AHCYL2: variants seen among roughly 807,000 people sequenced by gnomAD.
The protein encoded by AHCYL2 is adenosylhomocysteinase like 2, also known as S-adenosylhomocysteine hydrolase-like protein 2.
Under a neutral mutation model 81.4 loss-of-function variants are expected in AHCYL2, and 28 were observed. That is an observed-to-expected ratio of 0.34 (90% CI 0.25 to 0.47). The LOEUF is 0.47. Ranked by LOEUF, AHCYL2 falls within the 20% of genes least tolerant of loss-of-function variation. AHCYL2 has a pLI of 1.00. For synonymous variants in AHCYL2, 272 were observed against 290.2 expected, an observed-to-expected ratio of 0.94 and a Z score of 0.64; for missense variants, 551 against 785.1, an observed-to-expected ratio of 0.70 and a Z score of 3.56.
At chr7:129,389,914 C>T (rs1795386033) in intron 4 of AHCYL2, among the ~76,000 whole-genome samples, 180 bp downstream of exon 4, 1 of 152,180 alleles carries the variant, frequency 6.6e-6, no homozygotes, top group East Asian at 1.9e-4. Context: ...GAAGCTGAGG[C>T]TCAGAGGGCT....
intron 1 of AHCYL2, among the ~76,000 whole-genome samples, chr7:129,321,271 C>T (rs886312457): frequency 2.6e-5 from 4 of 152,180 alleles, no homozygotes; most frequent in Non-Finnish European, 5.9e-5. Flanking sequence ...TTCAGTTTTT[C>T]ATCCTTACGT....
chr7:129,240,080 G>A lies in AHCYL2; in HGVS notation c.363+14641G>A, dbSNP rs374933001. Among the ~76,000 whole-genome samples the A allele has an allele frequency of 9.2e-5, 14 of 151,924 alleles. No individual in the cohort carries two copies. In the East Asian group the frequency reaches 1.2e-3, roughly 13 times the overall value. ...CTCTACTAAAAATACAAAATTGGTCGGGCACATGCCTGTAATCCCAGCTAC... is the reference window on the plus strand; with the variant it reads ...CTCTACTAAAAATACAAAATTGGTCAGGCACATGCCTGTAATCCCAGCTAC... On this transcript the variant is annotated intron_variant, in intron 1 of 16. Coordinates refer to ENST00000325006, the MANE Select transcript of AHCYL2 (RefSeq NM_015328.4).
At chr7:129,252,213 T>G (rs1472942901) in intron 1 of AHCYL2, among the ~76,000 whole-genome samples, 1 of 152,236 alleles carries the variant, frequency 6.6e-6, no homozygotes. Context: ...AGTTCTTGTA[T>G]GTAACACTCT....
At chr7:129,300,270 C>T (rs1033053781) in intron 1 of AHCYL2, among the ~76,000 whole-genome samples, 1 of 152,062 alleles carries the variant, frequency 6.6e-6, no homozygotes, top group African/African-American at 2.4e-5. Flanking sequence ...CATGAGCCAT[C>T]CCCGCCTCCC....
intron 1 of AHCYL2, among the ~76,000 whole-genome samples, chr7:129,348,773 C>T (rs1793450231): frequency 6.6e-6 from 1 of 152,136 alleles, no homozygotes; most frequent in African/African-American, 2.4e-5. Context: ...ATTTTCTTCA[C>T]CTAGGCCAAG....
intron 1 of AHCYL2, among the ~76,000 whole-genome samples, chr7:129,351,302 A>T (rs776192926): frequency 1.2e-4 from 19 of 152,338 alleles, no homozygotes; most frequent in Non-Finnish European, 2.6e-4. Context: ...ACCAGCAGGA[A>T]CATAGTAGAA....
At chr7:129,286,150 A>G (rs1181630781) in intron 1 of AHCYL2, among the ~76,000 whole-genome samples, 1 of 152,210 alleles carries the variant, frequency 6.6e-6, no homozygotes, top group Non-Finnish European at 1.5e-5. Context: ...GAGGCTACAC[A>G]ATATAAAATG....
chr7:129,406,356 G>A lies in AHCYL2; in HGVS notation c.1207-22G>A, dbSNP rs752834355. On this transcript the variant is annotated intron_variant, in intron 9 of 16. Transcript: ENST00000325006. This position sits in a 1 kb window ranked among gnomAD's most constrained non-coding sequence, Gnocchi z 4.3. Reference sequence around the variant, plus strand: ...TTTTCTCAGTGACTTTCCTTAATATGTGTGCTCTCTCCCCTCTTCAGGTGG... The same window carrying A: ...TTTTCTCAGTGACTTTCCTTAATATATGTGCTCTCTCCCCTCTTCAGGTGG... 1.9e-6 allele frequency: 3 copies of A among 1,609,638 alleles called. No homozygotes were observed. Among genetic ancestry groups the A allele is most frequent in the East Asian group, 4.5e-5 (2 of 44,866 alleles).
At chr7:129,273,205 C>G (rs117886991) in intron 1 of AHCYL2, among the ~76,000 whole-genome samples, 2,149 of 146,364 alleles carry the variant, frequency 0.015, 21 homozygotes, top group Non-Finnish European at 0.022. Context: ...CCTAGCCTGA[C>G]CAATGACTTC....
rs140857840 is a variant in AHCYL2, at chr7:129,258,873, G to T, written c.363+33434G>T. Among the ~76,000 whole-genome samples the T allele has an allele frequency of 1.0e-3, 155 of 152,262 alleles. 2 individuals are homozygous for T. In the East Asian group the frequency reaches 0.025, roughly 25 times the overall value. On this transcript the variant is annotated intron_variant, in intron 1 of 16. Transcript: ENST00000325006. Reference sequence around the variant, plus strand: ...CCGTGGCAACCATTATAATGTAAATGAGCCTTCTTGGGCAGGAAGTTGAGA... The same window carrying T: ...CCGTGGCAACCATTATAATGTAAATTAGCCTTCTTGGGCAGGAAGTTGAGA...
intron 1 of AHCYL2, among the ~76,000 whole-genome samples, chr7:129,255,085 C>G (rs961675511): frequency 6.6e-6 from 1 of 151,686 alleles, no homozygotes; most frequent in Non-Finnish European, 1.5e-5. Context: ...ACATGGTGAA[C>G]CCCCGTCTCT....
chr7:129,234,319 A>G (rs1794560702), intron 1 of AHCYL2, among the ~76,000 whole-genome samples: 1 of 151,992 alleles, frequency 6.6e-6, no homozygotes, highest in Admixed American at 6.5e-5. Context: ...ATCTCGGCTC[A>G]CTGCAACCTC....
At chr7:129,257,083 T>C (rs1670105884) in intron 1 of AHCYL2, among the ~76,000 whole-genome samples, 1 of 152,142 alleles carries the variant, frequency 6.6e-6, no homozygotes, top group Non-Finnish European at 1.5e-5. Context: ...CCCTTTATTT[T>C]ATCTATGAAG....
rs533923853 is a variant in AHCYL2, at chr7:129,409,610, T to C, written c.1366+64T>C. 31 of 1,369,450 alleles carry C rather than the reference T, an allele frequency of 2.3e-5. No homozygotes were observed. In the African/African-American group the frequency reaches 4.0e-4, roughly 18 times the overall value. The allele number at this position is 1,369,450 out of a possible 1,614,324, so 84.8% of individuals were successfully genotyped here. A position where few individuals can be genotyped will look rare whatever the true frequency, so the allele number is the denominator to read the frequency against. On this transcript the variant is annotated intron_variant, in intron 11 of 16. Coordinates refer to ENST00000325006, the MANE Select transcript of AHCYL2 (RefSeq NM_015328.4). ...ATGTTTTTATGGAGCAGGTGCAAGA[T>C]GATTGGAAATATTCTGAAAAACCAA...
At chr7:129,349,201 A>C (rs1483101324) in intron 1 of AHCYL2, among the ~76,000 whole-genome samples, 1 of 152,170 alleles carries the variant, frequency 6.6e-6, no homozygotes, top group Admixed American at 6.5e-5. Context: ...GATTCTATCT[A>C]GGTTTACTCT....
At chr7:129,241,113 T>G (rs1161567026) in intron 1 of AHCYL2, among the ~76,000 whole-genome samples, 1 of 152,156 alleles carries the variant, frequency 6.6e-6, no homozygotes, top group Non-Finnish European at 1.5e-5. Flanking sequence ...AGAATTATCT[T>G]GTTAGGAAAA....
rs116352707 is a variant in AHCYL2 at position 129,354,591 on chromosome 7, C to T, written c.364-25047C>T. On this transcript the variant is annotated intron_variant, in intron 1 of 16. Coordinates refer to ENST00000325006, the MANE Select transcript of AHCYL2 (RefSeq NM_015328.4). ...AATGGTAGTCTGCCTATGTATGGTT[C>T]CTTGCAAGTCTTCACTGTGGATGAC... Among the ~76,000 whole-genome samples the T allele has an allele frequency of 2.1e-3, 322 of 152,270 alleles. 1 individual carries two copies. The highest frequency in any genetic ancestry group is 7.2e-3 in the African/African-American group (298 of 41,552).
At position 129,403,860 on chromosome 7, in the gene AHCYL2, C is replaced by CAAAAAAAAA. The variant is rs34806455; in HGVS notation, c.1025+398_1025+406dup. Among the ~76,000 whole-genome samples the CAAAAAAAAA allele has an allele frequency of 1.9e-3, 150 of 80,176 alleles. 13 individuals are homozygous for CAAAAAAAAA. Among genetic ancestry groups the CAAAAAAAAA allele is most frequent in the East Asian group, 3.2e-3 (9 of 2,834 alleles). The allele number at this position is 80,176 out of a possible 152,430, so 52.6% of individuals were successfully genotyped here. On this transcript the variant is annotated intron_variant, in intron 7 of 16. Coordinates refer to ENST00000325006, the MANE Select transcript of AHCYL2 (RefSeq NM_015328.4). ...TGGGTGACAGAGCGAGACTCCATCT[C>CAAAAAAAAA]AAAAAAAAAAAAAAAAAAAAAAAAA...
At chr7:129,343,348 T>C (rs972600141) in intron 1 of AHCYL2, among the ~76,000 whole-genome samples, 2 of 152,190 alleles carry the variant, frequency 1.3e-5, no homozygotes, top group African/African-American at 4.8e-5. Context: ...ATATGTTTTC[T>C]TATTTGTCCT....
Sources: allele counts gnomAD v4.1 joint callset (sites outside exome capture counted in the v4.1 genomes callset), GRCh38; gene constraint gnomAD v4.1.1; non-coding constraint Gnocchi (gnomAD v3.1); transcripts MANE v1.5; gene names NCBI Gene and HGNC (gene_info 2026-07-23, HGNC 2026-07-21).